KCNH5: variants seen among roughly 807,000 people sequenced by gnomAD.
The protein encoded by KCNH5 is voltage-gated delayed rectifier potassium channel KCNH5.
KCNH5 carries 46 observed loss-of-function variants against 96.1 expected under a neutral mutation model. The observed-to-expected ratio is 0.48, with a 90% CI of 0.38 to 0.61. The LOEUF (loss-of-function observed/expected upper bound fraction) is 0.61, where lower values mean the gene tolerates loss of function less well. KCNH5 is among the 20% of genes least tolerant of loss of function. The probability of loss-of-function intolerance (pLI) is 0.00; values close to 1 mark genes in which losing one functional copy is unlikely to be tolerated. For synonymous variants in KCNH5, 439 were observed against 449.8 expected, an observed-to-expected ratio of 0.98 and a Z score of 0.30; for missense variants, 907 against 1,225.8, an observed-to-expected ratio of 0.74 and a Z score of 3.88.
chr14:62,875,783 G>C (rs543993109), intron 7 of KCNH5, among the ~76,000 whole-genome samples: 2 of 152,160 alleles, frequency 1.3e-5, no homozygotes, highest in African/African-American at 2.4e-5. Flanking sequence ...TTGGGAGGCC[G>C]AGGCAAGTGG....
At chr14:62,765,898 A>T (rs1352819746) in intron 10 of KCNH5, among the ~76,000 whole-genome samples, 1 of 152,202 alleles carries the variant, frequency 6.6e-6, no homozygotes, top group African/African-American at 2.4e-5. Context: ...CGACAAAGTG[A>T]AGAGATAACT....
chr14:62,891,961 C>T (rs1027896839), intron 7 of KCNH5, among the ~76,000 whole-genome samples: 7 of 152,140 alleles, frequency 4.6e-5, no homozygotes, highest in African/African-American at 1.7e-4. Context: ...TTGGGTCTCC[C>T]TGTTCCCTGA....
chr14:62,948,925 T>C (rs1467135201), intron 7 of KCNH5, among the ~76,000 whole-genome samples: 9 of 150,478 alleles, frequency 6.0e-5, no homozygotes, highest in Admixed American at 6.0e-4. Context: ...ATTATCTCAA[T>C]AGATGCAGAA....
chr14:62,830,508 A>G (rs79368754), intron 8 of KCNH5, among the ~76,000 whole-genome samples: 20 of 152,312 alleles, frequency 1.3e-4, no homozygotes, highest in Non-Finnish European at 2.8e-4. Flanking sequence ...AAGGTGAAGC[A>G]ACGACCTTAT....
chr14:62,831,299 A>G (rs1407814068), intron 8 of KCNH5, among the ~76,000 whole-genome samples: 2 of 152,176 alleles, frequency 1.3e-5, no homozygotes, highest in Non-Finnish European at 2.9e-5. Flanking sequence ...TCAAATTTGC[A>G]GTATTTTCTG....
chr14:63,040,302 G>A (rs976923638), intron 1 of KCNH5, among the ~76,000 whole-genome samples: 10 of 152,076 alleles, frequency 6.6e-5, no homozygotes, highest in African/African-American at 2.4e-4. Context: ...TAAACAAAGA[G>A]GGCAATTTCT....
In KCNH5 at chr14:62,757,472, C is replaced by T. The variant is rs138176619; in HGVS notation, c.2019+22256G>A. On this transcript the variant is annotated intron_variant, in intron 10 of 10. Coordinates refer to ENST00000322893, the MANE Select transcript of KCNH5 (RefSeq NM_139318.5). ...CCCAAAAGAAAAGAAATCAGTATATCGAAGAGATATCTGCACTCCCATGTT... is the reference window on the plus strand; with the variant it reads ...CCCAAAAGAAAAGAAATCAGTATATTGAAGAGATATCTGCACTCCCATGTT... 5.8e-4 allele frequency among the ~76,000 whole-genome samples: 88 copies of T among 152,176 alleles called. 1 individual carries two copies. In the East Asian group the frequency reaches 0.012, roughly 20 times the overall value.
chr14:62,964,367 T>C (rs567628713), intron 6 of KCNH5, among the ~76,000 whole-genome samples: 12 of 152,256 alleles, frequency 7.9e-5, no homozygotes, highest in African/African-American at 2.4e-4. Flanking sequence ...GCCCATTACA[T>C]GCTTTCCAAC....
chr14:62,829,373 C>T (rs1305380308), intron 8 of KCNH5, among the ~76,000 whole-genome samples: 7 of 152,230 alleles, frequency 4.6e-5, no homozygotes, highest in African/African-American at 1.7e-4. Context: ...AGCAGAGGTT[C>T]TCCCTAAGGG....
In KCNH5 at chr14:62,765,294, T is replaced by C. The variant is rs542978410; in HGVS notation, c.2019+14434A>G. Among the ~76,000 whole-genome samples, 146 of 152,168 alleles carry C rather than the reference T, an allele frequency of 9.6e-4. 1 individual carries two copies. Among genetic ancestry groups the C allele is most frequent in the Non-Finnish European group, 1.9e-3 (127 of 68,030 alleles). The stretch of plus-strand genomic sequence containing the variant: ...GGAAAAGGACTCCCTATTCCATAAA[T>C]AGTGCTAAGATAACTCGCTAGCCAT... On this transcript the variant is annotated intron_variant, in intron 10 of 10. Coordinates refer to ENST00000322893, the MANE Select transcript of KCNH5 (RefSeq NM_139318.5).
chr14:63,003,624 A>ATATATATAATTTT (rs1491457497), intron 3 of KCNH5, among the ~76,000 whole-genome samples: 1 of 92,824 alleles, frequency 1.1e-5, no homozygotes, highest in African/African-American at 4.7e-5. Flanking sequence ...ATATATATAT[A>ATATATATAATTTT]TTTTTTTTTT....
intron 2 of KCNH5, among the ~76,000 whole-genome samples, chr14:63,011,791 G>A (rs186897212): frequency 1.2e-4 from 18 of 152,236 alleles, no homozygotes; most frequent in Admixed American, 1.2e-3. Context: ...CGGACTGACT[G>A]GCATCCATCA....
chr14:62,980,744 G>C (rs950006473), intron 6 of KCNH5, 128 bp downstream of exon 6: 11 of 925,226 alleles, frequency 1.2e-5, no homozygotes, highest in Non-Finnish European at 1.4e-5. Context: ...ATAACTTTTG[G>C]CAAGGGTTTC....
At chr14:63,020,630 C>T (rs1046720445) in intron 1 of KCNH5, among the ~76,000 whole-genome samples, 2 of 151,964 alleles carry the variant, frequency 1.3e-5, no homozygotes, top group African/African-American at 2.4e-5. Context: ...ACAATGATTT[C>T]TAAAGGGAAT....
intron 7 of KCNH5, among the ~76,000 whole-genome samples, chr14:62,861,979 ATTTCT>A (rs1346436615): frequency 6.6e-6 from 1 of 152,138 alleles, no homozygotes; most frequent in East Asian, 1.9e-4. Flanking sequence ...GAAAAACTGA[ATTTCT>A]TTTGTTTATG....
chr14:62,730,393 A>ATAT (rs2139923509), intron 10 of KCNH5, among the ~76,000 whole-genome samples: 1 of 152,314 alleles, frequency 6.6e-6, no homozygotes, highest in African/African-American at 2.4e-5. Flanking sequence ...ATTTCTGTAG[A>ATAT]TATTATTATC....
At chr14:62,997,264 G>A (rs546393824) in intron 4 of KCNH5, among the ~76,000 whole-genome samples, 2 of 152,292 alleles carry the variant, frequency 1.3e-5, no homozygotes, top group Admixed American at 1.3e-4. Flanking sequence ...ATGGTTACAA[G>A]AGGCTGGGAA....
At chr14:63,020,075 G>A (rs1013281724) in intron 1 of KCNH5, among the ~76,000 whole-genome samples, 2 of 152,012 alleles carry the variant, frequency 1.3e-5, no homozygotes, top group Non-Finnish European at 2.9e-5. Context: ...AGAACAAGAT[G>A]CTTACAATCA....
chr14:62,987,047 G>C (rs1239724726), intron 5 of KCNH5, 25 bp downstream of exon 5: 1 of 1,514,128 alleles, frequency 6.6e-7, no homozygotes, highest in Non-Finnish European at 9.2e-7. Flanking sequence ...ACCATCTTGG[G>C]AAGCAAAATT....
Sources: allele counts gnomAD v4.1 joint callset (sites outside exome capture counted in the v4.1 genomes callset), GRCh38; gene constraint gnomAD v4.1.1; transcripts MANE v1.5; gene names NCBI Gene and HGNC (gene_info 2026-07-23, HGNC 2026-07-21).